The following PLEKHH1 variants were observed in gnomAD, a reference collection of about 807,000 sequenced individuals.
PLEKHH1 encodes the protein pleckstrin homology domain-containing family H member 1.
PLEKHH1 carries 104 observed loss-of-function variants against 160.0 expected under a neutral mutation model. The ratio of observed to expected loss-of-function variants is 0.65; its 90% CI spans 0.55 to 0.76. The LOEUF (loss-of-function observed/expected upper bound fraction) is 0.76, where lower values mean the gene tolerates loss of function less well. PLEKHH1 is among the 30% of genes least tolerant of loss of function. The pLI is 0.00. For synonymous variants in PLEKHH1, 619 were observed against 678.4 expected (o/e 0.91, Z 1.36); for missense variants, 1,427 against 1,724.1 (o/e 0.83, Z 3.05).
At position 67,579,817 on chromosome 14, in the gene PLEKHH1, C is replaced by A; in HGVS notation, c.3124C>A (p.Leu1042Ile). The change falls in exon 22 of 29, where the codon CTC becomes ATC. Residue 1042 changes from leucine to isoleucine, a missense_variant. Transcript: ENST00000329153. Reference sequence around the variant, plus strand: ...AAAGCCATCCCACTCTGGCTTTGCCCTCTTCACGGACGATCCCTCGGGCAG... The same window carrying A: ...AAAGCCATCCCACTCTGGCTTTGCCATCTTCACGGACGATCCCTCGGGCAG... The part of the protein sequence containing the change: ...MRKPSHSGFA[L>I]FTDDPSGRDL... 1 of 1,610,086 alleles carries A rather than the reference C, an allele frequency of 6.2e-7. No individual in the cohort carries two copies. The highest frequency in any genetic ancestry group is 8.5e-7 in the Non-Finnish European group (1 of 1,178,254).
At chr14:67,572,351 C>A in intron 11 of PLEKHH1, 74 bp downstream of exon 11, 2 of 1,290,068 alleles carry the variant, frequency 1.6e-6, no homozygotes, top group African/African-American at 1.5e-5. Flanking sequence ...CAGCACAAGA[C>A]ATAGGCAGTA....
At chr14:67,565,924 A>G (rs1011453095) in intron 7 of PLEKHH1, among the ~76,000 whole-genome samples, 6 of 152,174 alleles carry the variant, frequency 3.9e-5, no homozygotes, top group Non-Finnish European at 8.8e-5. Context: ...GTTCGAGACC[A>G]GCCTGGCCAA....
chr14:67,575,615 G>A, intron 15 of PLEKHH1, 143 bp downstream of exon 15: 1 of 731,690 alleles, frequency 1.4e-6, no homozygotes, highest in Non-Finnish European at 2.4e-6. Flanking sequence ...TCCAGAGTGT[G>A]AGATTCTGCC....
chr14:67,559,360 T>C (rs2034727368), intron 4 of PLEKHH1, among the ~76,000 whole-genome samples: 1 of 152,238 alleles, frequency 6.6e-6, no homozygotes, highest in Admixed American at 6.5e-5. Context: ...AGCGTTCTCC[T>C]TCCATGTCAG....
chr14:67,543,605 C>T (rs142959212), intron 2 of PLEKHH1, among the ~76,000 whole-genome samples: 18 of 152,122 alleles, frequency 1.2e-4, no homozygotes, highest in East Asian at 7.7e-4. Context: ...GTTTAACAAG[C>T]GTCCAGAAAA....
intron 1 of PLEKHH1, among the ~76,000 whole-genome samples, chr14:67,538,817 C>A (rs767526565): frequency 6.6e-6 from 1 of 152,126 alleles, no homozygotes; most frequent in Non-Finnish European, 1.5e-5. Flanking sequence ...CAGTTCAGAA[C>A]CATGATGTTA....
Position 67,578,499 on chromosome 14 carries a change from C to G in PLEKHH1, c.2752-35C>G. The G allele has an allele frequency of 7.1e-7, 1 of 1,418,412 alleles. No homozygotes were observed. 87.9% of individuals were successfully genotyped at this position (1,418,412 alleles called of 1,614,324 possible). A position where few individuals can be genotyped will look rare whatever the true frequency, so the allele number is the denominator to read the frequency against. On this transcript the variant is annotated intron_variant, in intron 19 of 28. Coordinates refer to ENST00000329153, the MANE Select transcript of PLEKHH1 (RefSeq NM_020715.3). The surrounding 1 kb of genome is among the most constrained non-coding windows in gnomAD (Gnocchi z 5.0). The stretch of plus-strand genomic sequence containing the variant: ...ATGAGGACAGGTGGTGCTGTAGGCC[C>G]AGCACTCACCCCACGCTGTCTGTGT...
At chr14:67,548,340 T>A (rs1566727590) in intron 2 of PLEKHH1, among the ~76,000 whole-genome samples, 2 of 152,204 alleles carry the variant, frequency 1.3e-5, no homozygotes, top group Non-Finnish European at 2.9e-5. Flanking sequence ...TTAGAACTAA[T>A]ACAAGGTTTT....
In PLEKHH1 at chr14:67,574,278, G is replaced by A. The variant is rs763670963; in HGVS notation, c.1963G>A (p.Asp655Asn). The A allele has an allele frequency of 2.6e-5, 42 of 1,608,172 alleles. No individual in the cohort carries two copies. In the African/African-American group the frequency reaches 3.1e-4, roughly 12 times the overall value. ...SEKKTYYLTA[D>N]SPSLLEEWIR... ...GAAGAAAACCTACTACCTGACGGCC[G>A]ATTCACCCAGCCTGCTGGAGGAGTG... Residue 655 changes from aspartate to asparagine, a missense_variant, in exon 14 of 29, where the codon GAT becomes AAT. By Grantham distance (23) the Asp-to-Asn change is conservative (BLOSUM62 1). Coordinates refer to ENST00000329153, the MANE Select transcript of PLEKHH1 (RefSeq NM_020715.3). The surrounding 1 kb of genome is among the most constrained non-coding windows in gnomAD (Gnocchi z 4.2).
intron 7 of PLEKHH1, among the ~76,000 whole-genome samples, chr14:67,563,816 C>T (rs1442307303): frequency 1.3e-5 from 2 of 150,610 alleles, no homozygotes; most frequent in South Asian, 2.1e-4. Flanking sequence ...TCACTGCAAC[C>T]TCCGCCTCCC....
chr14:67,586,497 A>G (rs1424315704), intron 28 of PLEKHH1: 26 of 1,010,608 alleles, frequency 2.6e-5, no homozygotes, highest in Non-Finnish European at 3.5e-5. Context: ...ACCCAACATT[A>G]GCTACAAAGT....
intron 1 of PLEKHH1, among the ~76,000 whole-genome samples, chr14:67,536,070 A>C (rs1594734337): frequency 6.6e-6 from 1 of 152,206 alleles, no homozygotes; most frequent in South Asian, 2.1e-4. Context: ...TTAGGTACTA[A>C]GCTGTTTCTC....
Position 67,587,221 on chromosome 14 carries a change from C to A in PLEKHH1, c.4081C>A (p.Pro1361Thr). ...TTCTGTTTCCTGTGCTACCAAGGGG[C>A]CAACGTTGCTGTGAATATTTCTCCT... ...FSSVSCATKG[P>T]TLL Residue 1361 changes from proline to threonine, a missense_variant, in exon 29 of 29, where the codon CCA (proline) becomes ACA (threonine). Coordinates refer to ENST00000329153, the MANE Select transcript of PLEKHH1 (RefSeq NM_020715.3). 1 of 1,613,776 alleles carries A rather than the reference C, an allele frequency of 6.2e-7. No homozygotes were observed. The highest frequency in any genetic ancestry group is 1.1e-5 in the South Asian group (1 of 91,078).
Position 67,579,876 on chromosome 14 carries a change from G to A in PLEKHH1, c.3183G>A (p.Lys1061=), listed in dbSNP as rs2035808480. The A allele has an allele frequency of 6.3e-7, 1 of 1,597,152 alleles. No homozygotes were observed. Among genetic ancestry groups the A allele is most frequent in the South Asian group, 1.1e-5 (1 of 87,962 alleles). The part of the protein sequence containing the change: ...DLEHCLQGSV[K]ICDAISKWEQ... ...AGCACTGCCTGCAGGGAAGTGTCAA[G>A]GTGACAGCCTCCCACTAAGCCAGCT... Residue 1061 remains lysine (K), a splice_region_variant and synonymous_variant, in exon 22 of 29, where the codon AAG becomes AAA. Coordinates refer to ENST00000329153, the MANE Select transcript of PLEKHH1 (RefSeq NM_020715.3).
chr14:67,586,065 GAGA>G lies in PLEKHH1; in HGVS notation c.3904_3906del (p.Lys1302del). On this transcript the variant is annotated inframe_deletion, in exon 28 of 29. Coordinates refer to ENST00000329153, the MANE Select transcript of PLEKHH1 (RefSeq NM_020715.3). ...CAAGAGCTCTGGAAAAAGCCACATT[GAGA>G]AGTTGATCTTCCGGATGGCTGCTCC... is the stretch of plus-strand genomic sequence containing the variant. 1 of 1,614,010 alleles carries G rather than the reference GAGA, an allele frequency of 6.2e-7. No individual in the cohort carries two copies. The highest frequency in any genetic ancestry group is 8.5e-7 in the Non-Finnish European group (1 of 1,179,900).
chr14:67,537,348 A>ATAATAATAG (rs1430332697), intron 1 of PLEKHH1, among the ~76,000 whole-genome samples: 1 of 123,558 alleles, frequency 8.1e-6, no homozygotes, highest in Non-Finnish European at 1.6e-5. Flanking sequence ...CATCTCAAAA[A>ATAATAATAG]TAATAATAAT....
In PLEKHH1 at chr14:67,584,136, T is replaced by G. The variant is rs371923505; in HGVS notation, c.3699+12T>G. ...TTTTTGCTGCTCAGGTAAGTGCCAG[T>G]GGAAGGAGCTGCCCACACCCTTAGG... On this transcript the variant is annotated intron_variant, in intron 26 of 28. Coordinates refer to ENST00000329153, the MANE Select transcript of PLEKHH1 (RefSeq NM_020715.3). 5.6e-6 allele frequency: 9 copies of G among 1,611,316 alleles called. No individual in the cohort carries two copies. The highest frequency in any genetic ancestry group is 6.8e-6 in the Non-Finnish European group (8 of 1,179,670).
chr14:67,559,460 C>CATA (rs1310213007), intron 4 of PLEKHH1, 148 bp from the exon 5 acceptor site: 3 of 606,028 alleles, frequency 5.0e-6, no homozygotes. Context: ...GTTACCTTAT[C>CATA]AAATAATATT....
At chr14:67,539,098 G>A (rs2033862865) in intron 1 of PLEKHH1, among the ~76,000 whole-genome samples, 1 of 152,148 alleles carries the variant, frequency 6.6e-6, no homozygotes, top group South Asian at 2.1e-4. Context: ...GAACTGAGTT[G>A]CGAGACTCCC....
Sources: gnomAD v4.1 joint callset for allele counts (sites outside exome capture counted in the v4.1 genomes callset) on GRCh38, gnomAD v4.1.1 for gene constraint, Gnocchi (gnomAD v3.1) non-coding constraint, MANE v1.5 for transcripts, NCBI Gene and HGNC (gene_info 2026-07-23, HGNC 2026-07-21) for gene names.